Variants in ADAM23 observed in about 807,000 individuals in gnomAD.
ADAM23 encodes ADAM metallopeptidase domain 23, also known as disintegrin and metalloproteinase domain-containing protein 23.
A neutral mutation model predicts 120.1 loss-of-function variants in ADAM23; 33 were observed. That is an observed-to-expected ratio of 0.27 (90% CI 0.21 to 0.37). The LOEUF is 0.37. Among genes scored for constraint, ADAM23 ranks in the 10% least tolerant of loss-of-function variants. The pLI is 1.00. For synonymous variants in ADAM23, 367 were observed against 375.2 expected (o/e 0.98, Z 0.25); for missense variants, 862 against 1,058.2 (o/e 0.81, Z 2.57).
At chr2:206,521,665 G>A (rs16838295) in intron 3 of ADAM23, among the ~76,000 whole-genome samples, 10,210 of 152,222 alleles carry the variant, frequency 0.067, 429 homozygotes, top group Admixed American at 0.15. Context: ...GCCAAGCATA[G>A]TATTCTTTTA....
At chr2:206,478,009 T>A (rs1695819870) in intron 2 of ADAM23, among the ~76,000 whole-genome samples, 1 of 150,960 alleles carries the variant, frequency 6.6e-6, no homozygotes, top group African/African-American at 2.4e-5. Flanking sequence ...CTGTGTAATA[T>A]TTTGTTAAAG....
intron 4 of ADAM23, among the ~76,000 whole-genome samples, chr2:206,534,972 T>A (rs1480213938): frequency 6.6e-6 from 1 of 152,022 alleles, no homozygotes; most frequent in Non-Finnish European, 1.5e-5. Flanking sequence ...TTCTTTTTTT[T>A]TTGTAGGATC....
Position 206,499,453 on chromosome 2 carries a change from T to C in ADAM23, c.509+18145T>C, listed in dbSNP as rs568345586. On this transcript the variant is annotated intron_variant, in intron 3 of 25. Coordinates refer to ENST00000264377, the MANE Select transcript of ADAM23 (RefSeq NM_003812.4). ...GTGGGAATTGAACAATGAGAACACA[T>C]GGACACAGGAAGAGGAACATCACAC... Among the ~76,000 whole-genome samples, 729 of 126,960 alleles carry C rather than the reference T, an allele frequency of 5.7e-3. 6 individuals are homozygous for C. The highest frequency in any genetic ancestry group is 0.022 in the African/African-American group (705 of 32,748). 83.3% of individuals were successfully genotyped at this position (126,960 alleles called of 152,430 possible).
At chr2:206,601,275 C>A (rs181834993) in intron 24 of ADAM23, among the ~76,000 whole-genome samples, 93 of 152,282 alleles carry the variant, frequency 6.1e-4, no homozygotes, top group Non-Finnish European at 9.7e-4. Flanking sequence ...TTTGGTCAGA[C>A]CTTTTCATCA....
chr2:206,538,042 A>C (rs1486078653), intron 4 of ADAM23, among the ~76,000 whole-genome samples: 2 of 152,204 alleles, frequency 1.3e-5, no homozygotes, highest in Non-Finnish European at 2.9e-5. Flanking sequence ...CAAGAAATCA[A>C]GATAGCAGAT....
Position 206,561,210 on chromosome 2 carries a change from G to T in ADAM23, c.1252G>T (p.Glu418Ter). The change falls in exon 12 of 26, where the codon GAG (glutamate) becomes TAG (stop). Residue 418 changes from glutamate to a stop codon, truncating the protein, a stop_gained and splice_region_variant. Transcript: ENST00000264377. LOFTEE classifies it high-confidence loss of function. ...CSRTRGVGVN[E>*]YGLPMAVAQV... ...TCGCACAAGAGGAGTTGGTGTGAAT[G>T]AGGTAAATTTTACCAATTAGAGTTT... is the stretch of plus-strand genomic sequence containing the variant. 1 of 1,613,370 alleles carries T rather than the reference G, an allele frequency of 6.2e-7. No homozygotes were observed. The highest frequency in any genetic ancestry group is 8.5e-7 in the Non-Finnish European group (1 of 1,179,390).
intron 3 of ADAM23, among the ~76,000 whole-genome samples, chr2:206,518,688 A>G (rs1375827008): frequency 6.6e-6 from 1 of 152,202 alleles, no homozygotes; most frequent in African/African-American, 2.4e-5. Flanking sequence ...TTTGTTATCA[A>G]TCTAATCTGT....
At chr2:206,493,727 T>A (rs1190292393) in intron 3 of ADAM23, among the ~76,000 whole-genome samples, 5 of 152,272 alleles carry the variant, frequency 3.3e-5, no homozygotes, top group Non-Finnish European at 2.9e-5. Flanking sequence ...TCCTTTAATA[T>A]AATTACAAAT....
In ADAM23 at chr2:206,512,851, G is replaced by C. The variant is rs1366405129; in HGVS notation, c.510-18034G>C. On this transcript the variant is annotated intron_variant, in intron 3 of 25. Transcript: ENST00000264377. ...TCCAACAGCGCATGCTCACTTCTCT[G>C]TCTGTGTCATATTTTGGTAATTCTC... 1.3e-4 allele frequency among the ~76,000 whole-genome samples: 20 copies of C among 152,018 alleles called. 1 individual carries two copies.
intron 18 of ADAM23, among the ~76,000 whole-genome samples, chr2:206,577,728 T>C (rs1698143159): frequency 6.6e-6 from 1 of 150,386 alleles, no homozygotes; most frequent in Non-Finnish European, 1.5e-5. Context: ...AACATACGTG[T>C]GCATGTGTCT....
intron 18 of ADAM23, among the ~76,000 whole-genome samples, chr2:206,578,585 C>T (rs998349756): frequency 6.6e-6 from 1 of 151,850 alleles, no homozygotes; most frequent in African/African-American, 2.4e-5. Flanking sequence ...TATGTATGTA[C>T]ATACACACAC....
At chr2:206,514,422 T>C (rs1696689149) in intron 3 of ADAM23, among the ~76,000 whole-genome samples, 1 of 152,022 alleles carries the variant, frequency 6.6e-6, no homozygotes, top group South Asian at 2.1e-4. Context: ...AGAAAGACAG[T>C]AAGAGAGGAA....
At chr2:206,445,591 C>CTCCGCATTGGAATGAAACTG in intron 2 of ADAM23, 67 bp downstream of exon 2, 1 of 1,391,106 alleles carries the variant, frequency 7.2e-7, no homozygotes. Context: ...TGATTTTCTG[C>CTCCGCATTGGAATGAAACTG]CAGAATCTGA....
intron 9 of ADAM23, among the ~76,000 whole-genome samples, chr2:206,556,939 T>C (rs1697656107): frequency 6.6e-6 from 1 of 152,208 alleles, no homozygotes; most frequent in South Asian, 2.1e-4. Context: ...AAGCCGTTTG[T>C]ATAAGCTACA....
In ADAM23 at chr2:206,565,081, T is replaced by G; in HGVS notation, c.1394+13T>G. ...TGGAGGAAACAGGGTAAATTTTCAT[T>G]ATGCGTGCATTTGATATATGCCTTT... On this transcript the variant is annotated intron_variant, in intron 14 of 25. Coordinates refer to ENST00000264377, the MANE Select transcript of ADAM23 (RefSeq NM_003812.4). 3 of 1,613,840 alleles carry G rather than the reference T, an allele frequency of 1.9e-6. No individual in the cohort carries two copies. The highest frequency in any genetic ancestry group is 2.5e-6 in the Non-Finnish European group (3 of 1,179,772).
At chr2:206,606,242 T>C (rs2105861608) in intron 24 of ADAM23, among the ~76,000 whole-genome samples, 1 of 152,342 alleles carries the variant, frequency 6.6e-6, no homozygotes, top group South Asian at 2.1e-4. Context: ...CTTAGGATTC[T>C]TGTAATAAAG....
At position 206,466,495 on chromosome 2, in the gene ADAM23, T is replaced by C. The variant is rs558122097; in HGVS notation, c.433-14737T>C. 1.3e-5 allele frequency among the ~76,000 whole-genome samples: 2 copies of C among 152,336 alleles called. 1 individual carries two copies. Among genetic ancestry groups the C allele is most frequent in the South Asian group, 4.1e-4 (2 of 4,828 alleles). Reference sequence around the variant, plus strand: ...TTAGGTTTCTCATTTAAACTCTAGCTCTATCAGACAGTAAGTTATCCACAG... The same window carrying C: ...TTAGGTTTCTCATTTAAACTCTAGCCCTATCAGACAGTAAGTTATCCACAG... On this transcript the variant is annotated intron_variant, in intron 2 of 25. Transcript: ENST00000264377.
chr2:206,467,749 G>C (rs1174940627), intron 2 of ADAM23, among the ~76,000 whole-genome samples: 1 of 152,216 alleles, frequency 6.6e-6, no homozygotes, highest in Non-Finnish European at 1.5e-5. Flanking sequence ...TTTCCCCTCT[G>C]CACTTCCCTA....
At chr2:206,561,356 C>A in intron 12 of ADAM23, 144 bp downstream of exon 12, 1 of 705,142 alleles carries the variant, frequency 1.4e-6, no homozygotes, top group Non-Finnish European at 2.4e-6. Context: ...AAATAGAACC[C>A]AACGTGGTCC....
Sources: allele counts gnomAD v4.1 joint callset (sites outside exome capture counted in the v4.1 genomes callset), GRCh38; gene constraint gnomAD v4.1.1; transcripts MANE v1.5; gene names NCBI Gene and HGNC (gene_info 2026-07-23, HGNC 2026-07-21).